The following CLDN12 variants were observed in gnomAD, a reference collection of about 807,000 sequenced individuals.
CLDN12 encodes the protein claudin 12.
Under a neutral mutation model 15.5 loss-of-function variants are expected in CLDN12, and 9 were observed. The ratio of observed to expected loss-of-function variants is 0.58; its 90% confidence interval spans 0.35 to 1.02. The LOEUF is 1.02. Ranked by LOEUF, CLDN12 falls within the 50% of genes least tolerant of loss-of-function variation. CLDN12 has a pLI of 0.02. For synonymous variants in CLDN12, 140 were observed against 121.6 expected (o/e 1.15, Z -1.00); for missense variants, 233 against 297.3 (o/e 0.78, Z 1.59).
At chr7:90,408,798 G>A (rs1173193487) in intron 2 of CLDN12, 4 of 152,120 alleles carry the variant, frequency 2.6e-5, no homozygotes, top group Admixed American at 1.3e-4. Context: ...TATTTGTATT[G>A]ATTTGATGCA....
intron 2 of CLDN12, 140 bp downstream of exon 2, chr7:90,405,748 T>A (rs1169869111): frequency 6.6e-6 from 1 of 152,118 alleles, no homozygotes; most frequent in Non-Finnish European, 1.5e-5. Context: ...ACTGATGACT[T>A]ACAGTTTCTA....
In CLDN12 at chr7:90,413,305, T is replaced by A. The variant is rs779542822; in HGVS notation, c.629T>A (p.Leu210Ter). 6.2e-7 allele frequency: 1 copy of A among 1,614,234 alleles called. No individual in the cohort carries two copies. The highest frequency in any genetic ancestry group is 8.5e-7 in the Non-Finnish European group (1 of 1,180,040). ...KSLPSPFWQP[L>*]YSHPPSMHTY... ...TTGCCTTCTCCTTTCTGGCAACCAT[T>A]GTACTCCCATCCACCCAGTATGCAT... is the stretch of plus-strand genomic sequence containing the variant. The change falls in exon 4 of 4, where the codon TTG (leucine) becomes TAG (stop). Residue 210 changes from leucine to a stop codon, truncating the protein, a stop_gained. Coordinates refer to ENST00000496677, the MANE Select transcript of CLDN12 (RefSeq NM_001185072.3). LOFTEE classifies it high-confidence loss of function.
intron 2 of CLDN12, among the ~76,000 whole-genome samples, chr7:90,410,198 G>C (rs1352254232): frequency 6.6e-6 from 1 of 151,664 alleles, no homozygotes; most frequent in Non-Finnish European, 1.5e-5. Flanking sequence ...TCTCAAATCT[G>C]TACTAGTTTC....
rs149798695 is a variant in CLDN12 at position 90,413,229 on chromosome 7, C to T, written c.553C>T (p.Leu185=). The part of the protein sequence containing the change: ...VYVTIASAGG[L]FMTSLILFIW... ...TGTCACTATTGCTAGTGCTGGGGGC[C>T]TGTTTATGACTTCCCTTATACTATT... is the stretch of plus-strand genomic sequence containing the variant. The change falls in exon 4 of 4, where the codon CTG becomes TTG. Residue 185 remains leucine, a synonymous_variant. Coordinates refer to ENST00000496677, the MANE Select transcript of CLDN12 (RefSeq NM_001185072.3). The T allele has an allele frequency of 6.2e-6, 10 of 1,614,010 alleles. No individual in the cohort carries two copies. The highest frequency in any genetic ancestry group is 8.5e-6 in the Non-Finnish European group (10 of 1,180,006).
Position 90,414,357 on chromosome 7 carries a change from C to A in CLDN12, c.*946C>A, listed in dbSNP as rs1436593969. ...TGGGTGAAGTAAGGTATGGCTTTAC[C>A]ATAACCTTGATTCATTCACCCTTGA... On this transcript the variant is annotated 3_prime_UTR_variant, in exon 4 of 4. Coordinates refer to ENST00000496677, the MANE Select transcript of CLDN12 (RefSeq NM_001185072.3). The A allele has an allele frequency of 1.0e-6, 1 of 1,000,214 alleles. No homozygotes were observed. Among genetic ancestry groups the A allele is most frequent in the South Asian group, 4.7e-5 (1 of 21,286 alleles). 62.0% of individuals were successfully genotyped at this position (1,000,214 alleles called of 1,614,324 possible).
rs1797058145 is a variant in CLDN12 at position 90,415,701 on chromosome 7, G to A, written c.*2290G>A. 6.0e-6 allele frequency: 1 copy of A among 167,040 alleles called. No individual in the cohort carries two copies. Among genetic ancestry groups the A allele is most frequent in the African/African-American group, 2.4e-5 (1 of 41,440 alleles). The allele number at this position is 167,040 out of a possible 1,614,324, so 10.3% of individuals were successfully genotyped here. On this transcript the variant is annotated 3_prime_UTR_variant, in exon 4 of 4. Coordinates refer to ENST00000496677, the MANE Select transcript of CLDN12 (RefSeq NM_001185072.3). ...CCCTCATCAAGCTCTCATTGTGATG[G>A]GAGGGATACCTTTTTGTTGTTAAAA...
chr7:90,411,849 A>C (rs910451672), intron 2 of CLDN12, 158 bp from the exon 3 acceptor site: 1 of 152,214 alleles, frequency 6.6e-6, no homozygotes, highest in African/African-American at 2.4e-5. Flanking sequence ...TGATGTGCCA[A>C]GCAGTGAGCT....
In CLDN12 at chr7:90,415,628, G is replaced by C. The variant is rs1289526240; in HGVS notation, c.*2217G>C. Reference sequence around the variant, plus strand: ...TTTGCTATCAGTAGCTGTTTTTAAAGCCGTCCAAGGAAAATAATTATTTAC... The same window carrying C: ...TTTGCTATCAGTAGCTGTTTTTAAACCCGTCCAAGGAAAATAATTATTTAC... On this transcript the variant is annotated 3_prime_UTR_variant, in exon 4 of 4. Coordinates refer to ENST00000496677, the MANE Select transcript of CLDN12 (RefSeq NM_001185072.3). 6.0e-6 allele frequency: 1 copy of C among 166,930 alleles called. No individual in the cohort carries two copies. Among genetic ancestry groups the C allele is most frequent in the Non-Finnish European group, 1.5e-5 (1 of 68,100 alleles). 10.3% of individuals were successfully genotyped at this position (166,930 alleles called of 1,614,324 possible).
chr7:90,413,499 C>G lies in CLDN12; in HGVS notation c.*88C>G. 1 of 1,525,280 alleles carries G rather than the reference C, an allele frequency of 6.6e-7. No homozygotes were observed. The highest frequency in any genetic ancestry group is 8.8e-7 in the Non-Finnish European group (1 of 1,139,804). 94.5% of individuals were successfully genotyped at this position (1,525,280 alleles called of 1,614,324 possible). A position where few individuals can be genotyped will look rare whatever the true frequency, so the allele number is the denominator to read the frequency against. On this transcript the variant is annotated 3_prime_UTR_variant, in exon 4 of 4. Coordinates refer to ENST00000496677, the MANE Select transcript of CLDN12 (RefSeq NM_001185072.3). ...GCTCTTTTGGACCTACATACATTTT[C>G]CTTTGTTTTTGACCAATCAATGAAG...
chr7:90,409,513 C>T (rs940163598), intron 2 of CLDN12, among the ~76,000 whole-genome samples: 9 of 152,218 alleles, frequency 5.9e-5, no homozygotes, highest in Non-Finnish European at 1.0e-4. Flanking sequence ...TGAGCCAATT[C>T]GCCCAGCCAG....
chr7:90,404,732 A>T (rs576392280), intron 1 of CLDN12, among the ~76,000 whole-genome samples: 2 of 152,230 alleles, frequency 1.3e-5, no homozygotes, highest in Admixed American at 1.3e-4. Context: ...AATATCAATC[A>T]TATATTCCCA....
chr7:90,408,561 G>A (rs952357366), intron 2 of CLDN12, among the ~76,000 whole-genome samples: 11 of 152,106 alleles, frequency 7.2e-5, no homozygotes, highest in Admixed American at 5.2e-4. Context: ...CAAATCATAG[G>A]CATTTGAAAT....
In CLDN12 at chr7:90,413,684, A is replaced by G; in HGVS notation, c.*273A>G. The G allele has an allele frequency of 8.4e-7, 1 of 1,191,184 alleles. No individual in the cohort carries two copies. Among genetic ancestry groups the G allele is most frequent in the Non-Finnish European group, 1.0e-6 (1 of 952,410 alleles). 73.8% of individuals were successfully genotyped at this position (1,191,184 alleles called of 1,614,324 possible). On this transcript the variant is annotated 3_prime_UTR_variant, in exon 4 of 4. Coordinates refer to ENST00000496677, the MANE Select transcript of CLDN12 (RefSeq NM_001185072.3). ...TATTTAAGTGGAAGAGGCCTGCATC[A>G]CAATTGAGGTAATGTAGAGCAACAT...
At chr7:90,410,083 G>C (rs1432981730) in intron 2 of CLDN12, among the ~76,000 whole-genome samples, 1 of 149,346 alleles carries the variant, frequency 6.7e-6, no homozygotes, top group Non-Finnish European at 1.5e-5. Flanking sequence ...TGTGTGCCAG[G>C]CACACAAGTT....
intron 1 of CLDN12, among the ~76,000 whole-genome samples, chr7:90,403,924 C>T (rs1177994843): frequency 6.6e-6 from 1 of 151,580 alleles, no homozygotes; most frequent in Non-Finnish European, 1.5e-5. Context: ...GTCACTGTTG[C>T]GGTCTCTCTC....
intron 2 of CLDN12, among the ~76,000 whole-genome samples, chr7:90,406,758 C>G (rs929384637): frequency 3.9e-5 from 6 of 152,088 alleles, no homozygotes; most frequent in Non-Finnish European, 7.4e-5. Context: ...CAAGCAGCCT[C>G]CTGGATGGAA....
intron 2 of CLDN12, among the ~76,000 whole-genome samples, chr7:90,406,423 A>C (rs1268041850): frequency 2.0e-5 from 3 of 152,166 alleles, no homozygotes; most frequent in African/African-American, 7.2e-5. Flanking sequence ...TAGAGTCTCT[A>C]TTTGATTTGG....
chr7:90,406,118 A>G (rs1796831188), intron 2 of CLDN12: 1 of 152,236 alleles, frequency 6.6e-6, no homozygotes, highest in Admixed American at 6.5e-5. Flanking sequence ...AATAGAAGCT[A>G]GCTGCTATTA....
chr7:90,408,003 T>A (rs550942433), intron 2 of CLDN12, among the ~76,000 whole-genome samples: 1 of 152,252 alleles, frequency 6.6e-6, no homozygotes, highest in East Asian at 1.9e-4. Flanking sequence ...GATTTTATTC[T>A]GTGGGAAATG....
Sources: gnomAD v4.1 joint callset for allele counts (sites outside exome capture counted in the v4.1 genomes callset) on GRCh38, gnomAD v4.1.1 for gene constraint, MANE v1.5 for transcripts, NCBI Gene and HGNC (gene_info 2026-07-23, HGNC 2026-07-21) for gene names.